The following HSF5 variants were observed in gnomAD, a reference collection of about 807,000 sequenced individuals.
HSF5 encodes the protein heat shock transcription factor 5, also known as heat shock factor protein 5.
HSF5 carries 5 observed loss-of-function variants against 50.8 expected under a neutral mutation model. That is an observed-to-expected ratio of 0.10 (90% CI 0.05 to 0.21). The LOEUF (loss-of-function observed/expected upper bound fraction) is 0.21, where lower values mean the gene tolerates loss of function less well. HSF5 is among the 10% of genes least tolerant of loss of function. The pLI is 1.00. For missense variants in HSF5, 564 were observed against 762.6 expected (o/e 0.74, Z 3.07); for synonymous variants, 307 against 307.4 (o/e 1.00, Z 0.02).
chr17:58,453,204 C>G lies in HSF5; in HGVS notation c.1720+5564G>C, dbSNP rs971836088. 5.9e-5 allele frequency among the ~76,000 whole-genome samples: 9 copies of G among 152,196 alleles called. 1 individual carries two copies. Among genetic ancestry groups the G allele is most frequent in the African/African-American group, 2.2e-4 (9 of 41,528 alleles). ...ACTCATTCTATAAGGCCAGCATTAC[C>G]CTAATACCAAAACCAGACAAAAACA... On this transcript the variant is annotated intron_variant, in intron 5 of 5. Coordinates refer to ENST00000323777, the MANE Select transcript of HSF5 (RefSeq NM_001080439.3).
chr17:58,444,878 T>C (rs546035309), intron 5 of HSF5, among the ~76,000 whole-genome samples: 4 of 152,018 alleles, frequency 2.6e-5, no homozygotes, highest in African/African-American at 9.7e-5. Context: ...CTCCTACAAC[T>C]GAACAACACC....
chr17:58,426,633 T>C (rs1974299593), intron 5 of HSF5, among the ~76,000 whole-genome samples: 1 of 152,336 alleles, frequency 6.6e-6, no homozygotes, highest in Non-Finnish European at 1.5e-5. Context: ...CAGGAATGAA[T>C]TGAACTTTGC....
At chr17:58,457,492 G>A (rs1399850318) in intron 5 of HSF5, among the ~76,000 whole-genome samples, 1 of 151,634 alleles carries the variant, frequency 6.6e-6, no homozygotes, top group Non-Finnish European at 1.5e-5. Context: ...CCAGCTACTC[G>A]GGAGGCTGAG....
chr17:58,430,689 T>G (rs1262116874), intron 5 of HSF5, among the ~76,000 whole-genome samples: 1 of 152,128 alleles, frequency 6.6e-6, no homozygotes. Context: ...TCTGTGGCCT[T>G]TACACTTGGA....
chr17:58,485,519 G>T (rs1188037665), intron 1 of HSF5, among the ~76,000 whole-genome samples: 1 of 151,938 alleles, frequency 6.6e-6, no homozygotes, highest in Non-Finnish European at 1.5e-5. Context: ...GGCCAAGGTG[G>T]GCAGATCACT....
intron 5 of HSF5, among the ~76,000 whole-genome samples, chr17:58,425,916 A>C (rs1157796752): frequency 6.6e-6 from 1 of 152,164 alleles, no homozygotes; most frequent in Non-Finnish European, 1.5e-5. Flanking sequence ...AGACATTCTA[A>C]TTTAATTTAA....
chr17:58,430,308 A>G (rs2143729656), intron 5 of HSF5, among the ~76,000 whole-genome samples: 1 of 152,168 alleles, frequency 6.6e-6, no homozygotes, highest in East Asian at 1.9e-4. Flanking sequence ...CTGACCTCAG[A>G]TTATCTACCC....
intron 5 of HSF5, among the ~76,000 whole-genome samples, chr17:58,436,104 G>C (rs1974424362): frequency 6.6e-6 from 1 of 152,058 alleles, no homozygotes; most frequent in Non-Finnish European, 1.5e-5. Flanking sequence ...GTAAAGAGCA[G>C]AATCCAGGTT....
chr17:58,432,931 T>C (rs1321822070), intron 5 of HSF5, among the ~76,000 whole-genome samples: 2 of 152,186 alleles, frequency 1.3e-5, no homozygotes, highest in Non-Finnish European at 2.9e-5. Flanking sequence ...GCTGATGGAC[T>C]GGACATGTGA....
chr17:58,450,613 T>C (rs1321006218), intron 5 of HSF5, among the ~76,000 whole-genome samples: 1 of 146,608 alleles, frequency 6.8e-6, no homozygotes, highest in East Asian at 2.1e-4. Flanking sequence ...ATTAGCTGGG[T>C]GTGGTGGTGC....
intron 4 of HSF5, among the ~76,000 whole-genome samples, chr17:58,459,653 A>G (rs1974763721): frequency 6.6e-6 from 1 of 151,748 alleles, no homozygotes. Context: ...TCTCAAAAAA[A>G]AAAAAAAAAG....
At chr17:58,434,058 C>T (rs774747850) in intron 5 of HSF5, among the ~76,000 whole-genome samples, 9 of 151,572 alleles carry the variant, frequency 5.9e-5, no homozygotes, top group Non-Finnish European at 8.8e-5. Context: ...GGATTACAGG[C>T]GCATGCCACC....
intron 3 of HSF5, among the ~76,000 whole-genome samples, 186 bp downstream of exon 3, chr17:58,466,699 A>C (rs953440876): frequency 1.3e-5 from 2 of 152,116 alleles, no homozygotes; most frequent in African/African-American, 4.8e-5. Context: ...TCTGGCCTAG[A>C]AGAATTCTGA....
chr17:58,441,941 T>C (rs1206093219), intron 5 of HSF5, among the ~76,000 whole-genome samples: 2 of 152,174 alleles, frequency 1.3e-5, no homozygotes, highest in African/African-American at 4.8e-5. Flanking sequence ...TGGGTATGTG[T>C]GAGTGAGGGG....
intron 5 of HSF5, among the ~76,000 whole-genome samples, chr17:58,452,837 A>T (rs1974659499): frequency 6.6e-6 from 1 of 151,318 alleles, no homozygotes; most frequent in Admixed American, 6.6e-5. Flanking sequence ...TCAACAGTGA[A>T]GTTTACTTTT....
chr17:58,447,620 G>C (rs73317760), intron 5 of HSF5, among the ~76,000 whole-genome samples: 1 of 152,090 alleles, frequency 6.6e-6, no homozygotes, highest in African/African-American at 2.4e-5. Flanking sequence ...TCTTCCTCAA[G>C]TTCATTAGGA....
At chr17:58,427,623 T>C (rs1414784283) in intron 5 of HSF5, among the ~76,000 whole-genome samples, 1 of 152,218 alleles carries the variant, frequency 6.6e-6, no homozygotes, top group African/African-American at 2.4e-5. Flanking sequence ...ATTTAAATGA[T>C]ATTTTAGAAA....
At chr17:58,428,502 A>C (rs1200795183) in intron 5 of HSF5, among the ~76,000 whole-genome samples, 1 of 152,096 alleles carries the variant, frequency 6.6e-6, no homozygotes, top group African/African-American at 2.4e-5. Context: ...TACTAAAAGT[A>C]CAAAAAATTA....
intron 5 of HSF5, among the ~76,000 whole-genome samples, chr17:58,442,961 G>T (rs1176708276): frequency 1.3e-5 from 2 of 151,634 alleles, no homozygotes; most frequent in East Asian, 3.9e-4. Flanking sequence ...AGGCTAGAGT[G>T]CAGTGGCAGT....
Sources: allele counts gnomAD v4.1 joint callset (sites outside exome capture counted in the v4.1 genomes callset), GRCh38; gene constraint gnomAD v4.1.1; transcripts MANE v1.5; gene names NCBI Gene and HGNC (gene_info 2026-07-23, HGNC 2026-07-21).